CLNS1A: variants seen among roughly 807,000 people sequenced by gnomAD.
The protein encoded by CLNS1A is chloride nucleotide-sensitive channel 1A.
Under a neutral mutation model 29.4 loss-of-function variants are expected in CLNS1A, and 16 were observed. The observed-to-expected ratio is 0.54, with a 90% CI of 0.37 to 0.83. CLNS1A has a LOEUF of 0.83. CLNS1A is among the 40% of genes least tolerant of loss of function. CLNS1A has a pLI of 0.00. For missense variants in CLNS1A, 235 were observed against 287.4 expected (o/e 0.82, Z 1.32); for synonymous variants, 96 against 104.8 (o/e 0.92, Z 0.51).
chr11:77,627,500 T>C (rs192225164), intron 2 of CLNS1A, among the ~76,000 whole-genome samples: 229 of 150,496 alleles, frequency 1.5e-3, no homozygotes, highest in Non-Finnish European at 2.6e-3. Flanking sequence ...CCCAGAAAGA[T>C]ACTAATTTCT....
chr11:77,629,697 A>T, intron 2 of CLNS1A, 66 bp downstream of exon 2: 1 of 1,546,064 alleles, frequency 6.5e-7, no homozygotes, highest in Admixed American at 1.7e-5. Flanking sequence ...CCCGGCCTCA[A>T]AGACTCTTTT....
chr11:77,634,032 C>T (rs780956464), intron 1 of CLNS1A, among the ~76,000 whole-genome samples: 6 of 151,278 alleles, frequency 4.0e-5, no homozygotes, highest in Admixed American at 1.3e-4. Flanking sequence ...ACTCAGGAGG[C>T]GGAGGTTGCG....
rs1172323872 is a variant in CLNS1A, at chr11:77,624,958, C to G, written c.472+5G>C. ...AAAACCCACTTTAAAATCCATTTCACTAACCATGTGCTTCCACATCATATT... is the reference window on the plus strand; with the variant it reads ...AAAACCCACTTTAAAATCCATTTCAGTAACCATGTGCTTCCACATCATATT... On this transcript the variant is annotated splice_donor_5th_base_variant and intron_variant, in intron 4 of 6. Coordinates refer to ENST00000525428, the MANE Select transcript of CLNS1A (RefSeq NM_001293.3). 2 of 1,586,926 alleles carry G rather than the reference C, an allele frequency of 1.3e-6. No individual in the cohort carries two copies. Among genetic ancestry groups the G allele is most frequent in the African/African-American group, 2.7e-5 (2 of 74,160 alleles).
chr11:77,630,759 GA>G (rs1313971708), intron 1 of CLNS1A, among the ~76,000 whole-genome samples: 1 of 151,322 alleles, frequency 6.6e-6, no homozygotes, highest in Non-Finnish European at 1.5e-5. Flanking sequence ...CCACTTAGCA[GA>G]AAAAAAGTAA....
At chr11:77,623,852 C>T (rs1409354634) in intron 4 of CLNS1A, among the ~76,000 whole-genome samples, 5 of 152,184 alleles carry the variant, frequency 3.3e-5, no homozygotes, top group Non-Finnish European at 7.3e-5. Flanking sequence ...ACTCTTATCA[C>T]GCTAGTGACT....
chr11:77,619,580 G>T (rs770068270), intron 6 of CLNS1A, 26 bp downstream of exon 6: 2 of 1,337,930 alleles, frequency 1.5e-6, no homozygotes, highest in South Asian at 1.2e-5. Flanking sequence ...CATGATCAGC[G>T]ACAAGGGAGA....
Position 77,637,740 on chromosome 11 carries a change from C to T in CLNS1A, c.-26G>A. On this transcript the variant is annotated 5_prime_UTR_variant, in exon 1 of 7. Coordinates refer to ENST00000525428, the MANE Select transcript of CLNS1A (RefSeq NM_001293.3). ...AGCAGCAGAGTGCGGCAACACAGGCCCTGAGGGAGTTGGAGCACAGCAATG... is the reference window on the plus strand; with the variant it reads ...AGCAGCAGAGTGCGGCAACACAGGCTCTGAGGGAGTTGGAGCACAGCAATG... 6.5e-7 allele frequency: 1 copy of T among 1,548,724 alleles called. No homozygotes were observed. Among genetic ancestry groups the T allele is most frequent in the Non-Finnish European group, 8.7e-7 (1 of 1,145,512 alleles).
intron 1 of CLNS1A, among the ~76,000 whole-genome samples, chr11:77,631,417 T>C (rs1483678758): frequency 6.6e-6 from 1 of 150,836 alleles, no homozygotes; most frequent in Non-Finnish European, 1.5e-5. Context: ...GCCTCTCGGG[T>C]TCACGCCATT....
intron 6 of CLNS1A, among the ~76,000 whole-genome samples, chr11:77,618,039 C>T (rs1958922161): frequency 6.6e-6 from 1 of 152,106 alleles, no homozygotes; most frequent in Admixed American, 6.6e-5. Flanking sequence ...GGCTATTTCA[C>T]CATTAAAAAG....
intron 1 of CLNS1A, among the ~76,000 whole-genome samples, chr11:77,631,353 G>T (rs753578823): frequency 3.3e-5 from 5 of 149,792 alleles, no homozygotes; most frequent in African/African-American, 9.9e-5. Flanking sequence ...ACAGAGTCTC[G>T]GTCTGTCGCC....
Position 77,637,776 on chromosome 11 carries a change from A to G in CLNS1A, c.-62T>C. The stretch of plus-strand genomic sequence containing the variant: ...TGGAGCACAGCAATGCGTGCACCAC[A>G]CCGCCCGCCCTGGAAGAGGCAGTCA... On this transcript the variant is annotated 5_prime_UTR_variant, in exon 1 of 7. Transcript: ENST00000525428. 6.7e-7 allele frequency: 1 copy of G among 1,488,720 alleles called. No homozygotes were observed. 92.2% of individuals were successfully genotyped at this position (1,488,720 alleles called of 1,614,324 possible).
chr11:77,623,317 C>T (rs1438848312), intron 4 of CLNS1A, among the ~76,000 whole-genome samples: 1 of 152,136 alleles, frequency 6.6e-6, no homozygotes, highest in Non-Finnish European at 1.5e-5. Context: ...GGGCCAGGTG[C>T]AGTGGCTGAC....
At chr11:77,622,437 G>T in intron 5 of CLNS1A, 63 bp downstream of exon 5, 1 of 1,227,158 alleles carries the variant, frequency 8.1e-7, no homozygotes, top group Non-Finnish European at 1.1e-6. Context: ...AACTTCTATT[G>T]ACTATCCATA....
chr11:77,628,361 T>A (rs536944102), intron 2 of CLNS1A, among the ~76,000 whole-genome samples: 4 of 152,238 alleles, frequency 2.6e-5, no homozygotes, highest in African/African-American at 4.8e-5. Flanking sequence ...TATAAAATCA[T>A]AGTTGCATTT....
intron 1 of CLNS1A, among the ~76,000 whole-genome samples, chr11:77,636,331 G>A (rs1959125515): frequency 2.0e-5 from 3 of 152,114 alleles, no homozygotes. Context: ...GCCTCCCAAA[G>A]TGCTGGGATT....
At chr11:77,633,055 C>G (rs1221575970) in intron 1 of CLNS1A, among the ~76,000 whole-genome samples, 1 of 119,368 alleles carries the variant, frequency 8.4e-6, no homozygotes, top group Admixed American at 1.1e-4. Context: ...CTACCACACT[C>G]AAGCCTGGGC....
intron 5 of CLNS1A, 32 bp downstream of exon 5, chr11:77,622,468 T>TACTTGGCA: frequency 6.6e-7 from 1 of 1,526,496 alleles, no homozygotes; most frequent in South Asian, 1.3e-5. Context: ...CAAGTGCTCA[T>TACTTGGCA]CTGACTGTTC....
chr11:77,636,322 C>T (rs1959125424), intron 1 of CLNS1A, among the ~76,000 whole-genome samples: 2 of 152,178 alleles, frequency 1.3e-5, no homozygotes, highest in Admixed American at 1.3e-4. Context: ...CCTGCCTCAG[C>T]CTCCCAAAGT....
intron 1 of CLNS1A, among the ~76,000 whole-genome samples, chr11:77,636,834 C>T (rs2135781996): frequency 6.6e-6 from 1 of 152,226 alleles, no homozygotes; most frequent in South Asian, 2.1e-4. Context: ...TCATTACAGG[C>T]TTCAAAATAA....
Sources: gnomAD v4.1 joint callset for allele counts (sites outside exome capture counted in the v4.1 genomes callset) on GRCh38, gnomAD v4.1.1 for gene constraint, MANE v1.5 for transcripts, NCBI Gene and HGNC (gene_info 2026-07-23, HGNC 2026-07-21) for gene names.